The following SCLT1 variants were observed in gnomAD, a reference collection of about 807,000 sequenced individuals.
The protein encoded by SCLT1 is sodium channel-associated protein 1.
A neutral mutation model predicts 112.8 loss-of-function variants in SCLT1; 78 were observed. That is an observed-to-expected ratio of 0.69 (90% confidence interval 0.58 to 0.83). The LOEUF (loss-of-function observed/expected upper bound fraction) is 0.83, where lower values mean the gene tolerates loss of function less well. Ranked by LOEUF, SCLT1 falls within the 40% of genes least tolerant of loss-of-function variation. The probability of loss-of-function intolerance (pLI) is 0.00; values close to 1 mark genes in which losing one functional copy is unlikely to be tolerated. For synonymous variants in SCLT1, 257 were observed against 254.7 expected (o/e 1.01, Z -0.09); for missense variants, 747 against 770.4 (o/e 0.97, Z 0.36).
chr4:128,881,273 AAGCTC>A, downstream of SCLT1, among the ~76,000 whole-genome samples: 1 of 152,310 alleles, frequency 6.6e-6, no homozygotes, highest in East Asian at 1.9e-4. Flanking sequence ...TTTTGCAAAA[AAGCTC>A]ATTACAAATT....
chr4:129,079,006 C>T (rs545433182), intron 2 of SCLT1, among the ~76,000 whole-genome samples: 1 of 152,068 alleles, frequency 6.6e-6, no homozygotes, highest in Admixed American at 6.5e-5. Context: ...CATTTATAAG[C>T]AAGCAGATTT....
At chr4:129,011,645 TGGCTG>T (rs1454818417) in intron 5 of SCLT1, among the ~76,000 whole-genome samples, 1 of 152,088 alleles carries the variant, frequency 6.6e-6, no homozygotes, top group Non-Finnish European at 1.5e-5. Flanking sequence ...TGGTAGAATT[TGGCTG>T]TGAACTTATC....
intron 6 of SCLT1, among the ~76,000 whole-genome samples, chr4:129,003,126 C>T (rs1743667287): frequency 6.6e-6 from 1 of 152,060 alleles, no homozygotes. Context: ...GAGATCATGT[C>T]CTTTTCAGGG....
In SCLT1 at chr4:128,992,190, G is replaced by T; in HGVS notation, c.663C>A (p.Ile221=). ...ACCTAAGTTTTTTTCGGAGTTGTTCGATTATCACACTTTGTTCAGTTACTG... is the reference window on the plus strand; with the variant it reads ...ACCTAAGTTTTTTTCGGAGTTGTTCTATTATCACACTTTGTTCAGTTACTG... ...LKTVTEQSVI[I]EQLRKKLRQA... Residue 221 remains isoleucine, a synonymous_variant, in exon 9 of 21, where the codon ATC becomes ATA. Coordinates refer to ENST00000281142, the MANE Select transcript of SCLT1 (RefSeq NM_144643.4). 2 of 1,592,612 alleles carry T rather than the reference G, an allele frequency of 1.3e-6. No individual in the cohort carries two copies. Among genetic ancestry groups the T allele is most frequent in the Non-Finnish European group, 8.6e-7 (1 of 1,168,326 alleles).
At position 128,936,702 on chromosome 4, in the gene SCLT1, T is replaced by G. The variant is rs1220332046; in HGVS notation, c.1782A>C (p.Glu594Asp). The change falls in exon 18 of 21, where the codon GAA becomes GAC. Residue 594 changes from glutamate to aspartate, a missense_variant. This residue lies in a region of SCLT1 where 723 missense variants were observed against 721.3 expected (regional missense o/e 1.00). Coordinates refer to ENST00000281142, the MANE Select transcript of SCLT1 (RefSeq NM_144643.4). Reference protein sequence around the residue: ...QQKAANRWKEETKKLTESAEI... With the variant: ...QQKAANRWKEDTKKLTESAEI... ...CTGCACTTTCAGTAAGTTTCTTCGTTTCTTCTTTCCACCTATTGGCTGCCT... is the reference window on the plus strand; with the variant it reads ...CTGCACTTTCAGTAAGTTTCTTCGTGTCTTCTTTCCACCTATTGGCTGCCT... The G allele has an allele frequency of 6.2e-7, 1 of 1,607,444 alleles. No homozygotes were observed. The highest frequency in any genetic ancestry group is 1.7e-5 in the Admixed American group (1 of 58,172).
intron 2 of SCLT1, among the ~76,000 whole-genome samples, chr4:129,046,014 A>G (rs1748142108): frequency 6.6e-6 from 1 of 152,154 alleles, no homozygotes; most frequent in African/African-American, 2.4e-5. Flanking sequence ...AATGGTAAGA[A>G]TGAGTAGATG....
At chr4:129,029,941 C>A (rs1746544804) in intron 5 of SCLT1, among the ~76,000 whole-genome samples, 1 of 152,118 alleles carries the variant, frequency 6.6e-6, no homozygotes, top group Admixed American at 6.6e-5. Flanking sequence ...GACTTGAACT[C>A]AGCTCTGGAC....
chr4:128,956,801 G>GATATCTTTATT (rs1739253566), intron 13 of SCLT1, among the ~76,000 whole-genome samples: 1 of 152,002 alleles, frequency 6.6e-6, no homozygotes, highest in Admixed American at 6.6e-5. Context: ...CCAGTGGAGG[G>GATATCTTTATT]CTATACAGTA....
intron 5 of SCLT1, among the ~76,000 whole-genome samples, chr4:129,035,805 G>C (rs1747127817): frequency 6.6e-6 from 1 of 150,712 alleles, no homozygotes; most frequent in Non-Finnish European, 1.5e-5. Context: ...ACATTTCAAG[G>C]ATTTAAAAAT....
intron 18 of SCLT1, among the ~76,000 whole-genome samples, chr4:128,908,471 A>G (rs1560827958): frequency 6.6e-6 from 1 of 152,078 alleles, no homozygotes; most frequent in South Asian, 2.1e-4. Flanking sequence ...CAAAGTGAAG[A>G]GAATGCCTTA....
At chr4:129,052,825 T>C (rs1218664999) in intron 2 of SCLT1, among the ~76,000 whole-genome samples, 1 of 152,158 alleles carries the variant, frequency 6.6e-6, no homozygotes, top group Non-Finnish European at 1.5e-5. Flanking sequence ...TATGTTAGGG[T>C]GTCAATTTTA....
intron 2 of SCLT1, among the ~76,000 whole-genome samples, chr4:129,080,944 G>A (rs1458897650): frequency 6.6e-6 from 1 of 152,180 alleles, no homozygotes; most frequent in African/African-American, 2.4e-5. Context: ...GGGAAGCCAT[G>A]GGCGGCCTCT....
intron 20 of SCLT1, among the ~76,000 whole-genome samples, chr4:128,884,934 T>C (rs998105316): frequency 1.3e-5 from 2 of 152,236 alleles, no homozygotes; most frequent in African/African-American, 4.8e-5. Context: ...TGTAAGCCAC[T>C]GTGCCCAGTC....
chr4:128,952,702 A>G (rs774556508), intron 14 of SCLT1, 67 bp downstream of exon 14: 3 of 889,336 alleles, frequency 3.4e-6, no homozygotes, highest in South Asian at 2.7e-5. Context: ...TGAATCCCCA[A>G]TAGTATATAT....
Position 129,018,056 on chromosome 4 carries a change from C to T in SCLT1, c.291-14180G>A, listed in dbSNP as rs186327966. ...AGAATGTTATTGCCAGAGCTGCTGC[C>T]TGCAGCAACACCCTGCCTTAGCTTT... On this transcript the variant is annotated intron_variant, in intron 5 of 20. Transcript: ENST00000281142. 5.0e-3 allele frequency among the ~76,000 whole-genome samples: 765 copies of T among 152,350 alleles called. 6 individuals carry two copies. Among genetic ancestry groups the T allele is most frequent in the African/African-American group, 0.017 (719 of 41,568 alleles).
At chr4:129,021,501 G>T (rs528507013) in intron 5 of SCLT1, among the ~76,000 whole-genome samples, 9 of 152,308 alleles carry the variant, frequency 5.9e-5, no homozygotes, top group Admixed American at 5.9e-4. Flanking sequence ...AAGCTTGGTT[G>T]CGGGAGGGGC....
intron 18 of SCLT1, among the ~76,000 whole-genome samples, chr4:128,924,638 G>T (rs1280319939): frequency 6.6e-6 from 1 of 152,082 alleles, no homozygotes; most frequent in Admixed American, 6.6e-5. Context: ...TGTCTTGGAA[G>T]AAATTTTTGC....
Position 128,992,230 on chromosome 4 carries a change from T to C in SCLT1, c.623A>G (p.Gln208Arg), listed in dbSNP as rs762327822. 1.3e-6 allele frequency: 2 copies of C among 1,595,508 alleles called. No homozygotes were observed. The highest frequency in any genetic ancestry group is 1.1e-5 in the South Asian group (1 of 88,406). The stretch of plus-strand genomic sequence containing the variant: ...TTCAGTTACTGTTTTCAGAAACTGT[T>C]GGTTAGTCTGCCACAAGAAAAAAAA... ...VTNENMEVTN[Q>R]QFLKTVTEQS... Residue 208 changes from glutamine (Q) to arginine (R), a missense_variant, in exon 9 of 21, where the codon CAA becomes CGA. Gln to Arg is a conservative substitution (Grantham distance 43). Around this residue, in one of 2 missense-constraint regions of SCLT1, gnomAD observed 723 missense variants for 721.3 expected, o/e 1.00. Transcript: ENST00000281142.
At chr4:129,065,472 C>A (rs1489195076) in intron 2 of SCLT1, among the ~76,000 whole-genome samples, 2 of 151,910 alleles carry the variant, frequency 1.3e-5, no homozygotes, top group East Asian at 1.9e-4. Flanking sequence ...AGGGCCTGAC[C>A]ATAAATATTT....
Sources: gnomAD v4.1 joint callset for allele counts (sites outside exome capture counted in the v4.1 genomes callset) on GRCh38, gnomAD v4.1.1 for gene constraint, gnomAD v4.1.1 regional missense constraint, MANE v1.5 for transcripts, NCBI Gene and HGNC (gene_info 2026-07-23, HGNC 2026-07-21) for gene names.